The following NFIA variants were observed in gnomAD, a reference collection of about 807,000 sequenced individuals.
NFIA encodes nuclear factor I A.
In NFIA, 8 loss-of-function variants were observed where a neutral mutation model predicts 62.8. The ratio of observed to expected loss-of-function variants is 0.13; its 90% CI spans 0.07 to 0.23. The LOEUF is 0.23. NFIA is among the 10% of genes least tolerant of loss of function. NFIA has a pLI of 1.00. For synonymous variants in NFIA, 235 were observed against 238.1 expected (o/e 0.99, Z 0.12); for missense variants, 410 against 642.1 (o/e 0.64, Z 3.91).
chr1:61,345,756 C>T (rs888054247), intron 4 of NFIA, among the ~76,000 whole-genome samples: 9 of 152,134 alleles, frequency 5.9e-5, no homozygotes, highest in South Asian at 2.1e-4. Flanking sequence ...AGTTTCACTC[C>T]GAAATCACCC....
chr1:61,241,545 A>G (rs1039148987), intron 2 of NFIA, among the ~76,000 whole-genome samples: 4 of 152,124 alleles, frequency 2.6e-5, no homozygotes, highest in African/African-American at 9.7e-5. Flanking sequence ...AAATTCTCAA[A>G]ATGGTTGCCA....
rs1193885758 is a variant in NFIA, at chr1:61,460,917, A to AT, written c.*5597_*5598insT. The AT allele has an allele frequency of 3.3e-5, 5 of 152,230 alleles. No homozygotes were observed. Among genetic ancestry groups the AT allele is most frequent in the African/African-American group, 1.2e-4 (5 of 41,470 alleles). The allele number at this position is 152,230 out of a possible 1,614,324, so 9.4% of individuals were successfully genotyped here. A position where few individuals can be genotyped will look rare whatever the true frequency, so the allele number is the denominator to read the frequency against. ...TAGGTTTAAAGGTATTTCACTGAGA[A>AT]CGCAAATTCTGTCTTTTCTTGATTT... On this transcript the variant is annotated 3_prime_UTR_variant, in exon 11 of 11. Coordinates refer to ENST00000403491, the MANE Select transcript of NFIA (RefSeq NM_001134673.4).
chr1:61,106,081 C>T (rs1209431677), intron 2 of NFIA, among the ~76,000 whole-genome samples: 1 of 145,150 alleles, frequency 6.9e-6, no homozygotes, highest in Non-Finnish European at 1.5e-5. Context: ...CCACAAAAAT[C>T]CTCTCTCTCT....
chr1:61,261,481 T>G (rs1656771087), intron 2 of NFIA, among the ~76,000 whole-genome samples: 1 of 152,352 alleles, frequency 6.6e-6, no homozygotes, highest in South Asian at 2.1e-4. Context: ...CTGAGCACAT[T>G]TAAGGTAGAC....
At chr1:61,168,516 CTTTG>C (rs939796322) in intron 2 of NFIA, among the ~76,000 whole-genome samples, 21 of 152,182 alleles carry the variant, frequency 1.4e-4, no homozygotes, top group East Asian at 1.2e-3. Flanking sequence ...CTGGGTGAGA[CTTTG>C]TTTGTTTGGA....
At chr1:61,101,603 G>T (rs921466931) in intron 2 of NFIA, among the ~76,000 whole-genome samples, 1 of 152,140 alleles carries the variant, frequency 6.6e-6, no homozygotes, top group South Asian at 2.1e-4. Flanking sequence ...AGAGCAGGCG[G>T]TAGTGAATTC....
Position 61,195,106 on chromosome 1 carries a change from A to G in NFIA, c.560-82414A>G, listed in dbSNP as rs1022612069. On this transcript the variant is annotated intron_variant, in intron 2 of 10. Coordinates refer to ENST00000403491, the MANE Select transcript of NFIA (RefSeq NM_001134673.4). The stretch of plus-strand genomic sequence containing the variant: ...AACTGCCACATTTTAAGTCATGGTA[A>G]CCAGGAATCTATACTGAAATATTTT... 2.0e-5 allele frequency among the ~76,000 whole-genome samples: 3 copies of G among 152,266 alleles called. No homozygotes were observed. The South Asian group carries it at 6.2e-4, about 32-fold the overall frequency.
intron 2 of NFIA, among the ~76,000 whole-genome samples, chr1:61,212,049 T>G (rs1050935058): frequency 1.3e-5 from 2 of 152,208 alleles, no homozygotes; most frequent in African/African-American, 2.4e-5. Context: ...GGTGTGGATT[T>G]AAATTAGCAA....
chr1:61,413,225 T>C (rs1008454086), intron 9 of NFIA, among the ~76,000 whole-genome samples: 1 of 152,214 alleles, frequency 6.6e-6, no homozygotes, highest in Non-Finnish European at 1.5e-5. Context: ...ATGAATCTTG[T>C]ATATATTCAT....
chr1:61,322,370 A>G (rs1220100127), intron 3 of NFIA, among the ~76,000 whole-genome samples: 3 of 152,164 alleles, frequency 2.0e-5, no homozygotes, highest in African/African-American at 7.2e-5. Flanking sequence ...TCTTTCTGTT[A>G]ATATTCCCAG....
At chr1:61,362,618 C>A (rs544462187) in intron 6 of NFIA, among the ~76,000 whole-genome samples, 2 of 152,314 alleles carry the variant, frequency 1.3e-5, no homozygotes, top group South Asian at 4.1e-4. Context: ...TTGTAGTATC[C>A]TGTTCCCCAT....
chr1:61,210,978 C>T lies in NFIA; in HGVS notation c.560-66542C>T, dbSNP rs1653215882. On this transcript the variant is annotated intron_variant, in intron 2 of 10. Coordinates refer to ENST00000403491, the MANE Select transcript of NFIA (RefSeq NM_001134673.4). ...TGTGATGGCTGAACTGGCATCATTT[C>T]ACATTTTTCATGCTCTGTATTTATA... Among the ~76,000 whole-genome samples, 3 of 152,194 alleles carry T rather than the reference C, an allele frequency of 2.0e-5. No homozygotes were observed. In the South Asian group the frequency reaches 6.2e-4, roughly 32 times the overall value.
chr1:61,317,683 A>G (rs1354465006), intron 3 of NFIA, among the ~76,000 whole-genome samples: 1 of 152,060 alleles, frequency 6.6e-6, no homozygotes, highest in Non-Finnish European at 1.5e-5. Flanking sequence ...TTTATAGACA[A>G]CTTTTATAAG....
chr1:61,241,989 G>C (rs1165262734), intron 2 of NFIA, among the ~76,000 whole-genome samples: 1 of 152,164 alleles, frequency 6.6e-6, no homozygotes, highest in Non-Finnish European at 1.5e-5. Context: ...TTCGGGCTGT[G>C]CCTTTTTGTA....
intron 2 of NFIA, among the ~76,000 whole-genome samples, chr1:61,093,372 G>A (rs1646354653): frequency 6.6e-6 from 1 of 151,982 alleles, no homozygotes. Context: ...ACTGTATATT[G>A]TAAAACTAAT....
intron 3 of NFIA, among the ~76,000 whole-genome samples, chr1:61,323,201 A>C (rs1660764508): frequency 6.6e-6 from 1 of 152,214 alleles, no homozygotes; most frequent in East Asian, 1.9e-4. Flanking sequence ...GATAAACCAA[A>C]ATGACAATCA....
intron 2 of NFIA, among the ~76,000 whole-genome samples, chr1:61,208,276 T>A (rs1033294137): frequency 6.6e-6 from 1 of 152,144 alleles, no homozygotes; most frequent in Non-Finnish European, 1.5e-5. Flanking sequence ...TCTGCCCAGT[T>A]TTATCATTTT....
chr1:61,374,351 A>C (rs983985884), intron 6 of NFIA, among the ~76,000 whole-genome samples: 6 of 152,146 alleles, frequency 3.9e-5, no homozygotes, highest in Non-Finnish European at 5.9e-5. Context: ...GCTAGGGGGC[A>C]GATGGAATGG....
At chr1:61,323,296 A>G (rs1355142132) in intron 3 of NFIA, among the ~76,000 whole-genome samples, 1 of 152,148 alleles carries the variant, frequency 6.6e-6, no homozygotes, top group African/African-American at 2.4e-5. Context: ...TAGCTGACAA[A>G]CATTTCTGCA....
Sources: allele counts gnomAD v4.1 joint callset (sites outside exome capture counted in the v4.1 genomes callset), GRCh38; gene constraint gnomAD v4.1.1; transcripts MANE v1.5; gene names NCBI Gene and HGNC (gene_info 2026-07-23, HGNC 2026-07-21).